The following KANK1 variants were observed in gnomAD, a reference collection of about 807,000 sequenced individuals.
KANK1 encodes the protein KN motif and ankyrin repeat domains 1.
KANK1 carries 109 observed loss-of-function variants against 106.2 expected under a neutral mutation model. That is an observed-to-expected ratio of 1.03 (90% CI 0.88 to 1.20). The LOEUF is 1.20. KANK1 is among the 50% of genes most tolerant of loss of function. The pLI, the probability that KANK1 is intolerant of heterozygous loss-of-function variation, is 0.00. For synonymous variants in KANK1, 873 were observed against 652.2 expected (o/e 1.34, Z -5.16); for missense variants, 2,399 against 1,710.7 (o/e 1.40, Z -7.10).
At chr9:551,113 T>C (rs1401542415) in intron 1 of KANK1, among the ~76,000 whole-genome samples, 2 of 151,946 alleles carry the variant, frequency 1.3e-5, no homozygotes, top group African/African-American at 4.8e-5. Context: ...TCATGGTTAA[T>C]ACAACATGTG....
Position 626,773 on chromosome 9 carries a change from G to A in KANK1, c.-83-50117G>A, listed in dbSNP as rs1270564265. On this transcript the variant is annotated intron_variant, in intron 1 of 11. Transcript: ENST00000382297. ...ACACAGTACTCTCACATCCACCCTC[G>A]GTCTCCCTGAAACTCAGACCTGCAA... Among the ~76,000 whole-genome samples the A allele has an allele frequency of 2.6e-5, 4 of 152,102 alleles. No homozygotes were observed. In the South Asian group the frequency reaches 6.2e-4, roughly 24 times the overall value.
chr9:740,712 C>T (rs1835205583), intron 8 of KANK1, 80 bp from the exon 9 acceptor site: 8 of 1,463,634 alleles, frequency 5.5e-6, no homozygotes, highest in Admixed American at 2.0e-5. Context: ...CTGTAAACAC[C>T]ATCCCTTCAG....
chr9:713,941 A>G (rs908498503), intron 3 of KANK1, among the ~76,000 whole-genome samples: 1 of 152,174 alleles, frequency 6.6e-6, no homozygotes, highest in African/African-American at 2.4e-5. Context: ...AATTCAGCAA[A>G]TAATTATTGA....
At chr9:525,601 G>A (rs1171795365) in intron 1 of KANK1, among the ~76,000 whole-genome samples, 2 of 151,458 alleles carry the variant, frequency 1.3e-5, no homozygotes, top group South Asian at 2.1e-4. Context: ...GGCTGGTCTC[G>A]AACTCGTGGC....
intron 2 of KANK1, chr9:684,699 G>T (rs745746937): frequency 4.4e-6 from 2 of 451,170 alleles, no homozygotes; most frequent in Non-Finnish European, 5.7e-6. Flanking sequence ...CCTTCTTCCT[G>T]TGTCTGGGAT....
intron 1 of KANK1, among the ~76,000 whole-genome samples, chr9:579,677 G>A (rs1018179161): frequency 6.6e-6 from 1 of 152,148 alleles, no homozygotes; most frequent in South Asian, 2.1e-4. Flanking sequence ...GGCAGTATGG[G>A]AGGTCCACCT....
At chr9:513,828 C>T (rs572352596) in intron 1 of KANK1, among the ~76,000 whole-genome samples, 1 of 152,208 alleles carries the variant, frequency 6.6e-6, no homozygotes, top group African/African-American at 2.4e-5. Flanking sequence ...CCAGCCATAG[C>T]CAACATGGCA....
In KANK1 at chr9:712,127, A is replaced by C; in HGVS notation, c.1361A>C (p.Glu454Ala). 1 of 1,614,168 alleles carries C rather than the reference A, an allele frequency of 6.2e-7. No homozygotes were observed. The highest frequency in any genetic ancestry group is 1.1e-5 in the South Asian group (1 of 91,082). ...GGAGTGATGACTGAAGCTGACAAAG[A>C]AATTGAGCTGCAACAGCAGACCATA... ...MLGVMTEADK[E>A]IELQQQTIES... Residue 454 changes from glutamate (E) to alanine (A), a missense_variant, in exon 3 of 12, where the codon GAA becomes GCA. Transcript: ENST00000382297.
At chr9:637,842 C>T (rs867879949) in intron 1 of KANK1, among the ~76,000 whole-genome samples, 12 of 152,232 alleles carry the variant, frequency 7.9e-5, no homozygotes, top group African/African-American at 1.9e-4. Context: ...AAATTGCCTT[C>T]AGCATAAGAA....
At chr9:649,828 T>TA (rs1379544181) in intron 1 of KANK1, among the ~76,000 whole-genome samples, 3 of 152,198 alleles carry the variant, frequency 2.0e-5, no homozygotes, top group Admixed American at 2.0e-4. Flanking sequence ...CCTGCCCACA[T>TA]ATGCACCTCC....
At chr9:670,106 C>T (rs781535697) in intron 1 of KANK1, among the ~76,000 whole-genome samples, 6 of 152,054 alleles carry the variant, frequency 3.9e-5, no homozygotes, top group Non-Finnish European at 8.8e-5. Context: ...TTAAATTCCT[C>T]TGATAAGTTT....
At chr9:550,078 C>G (rs1297781238) in intron 1 of KANK1, among the ~76,000 whole-genome samples, 2 of 152,090 alleles carry the variant, frequency 1.3e-5, no homozygotes, top group African/African-American at 2.4e-5. Context: ...TGTCAGCAGT[C>G]GCAACACCAC....
At chr9:625,075 T>G (rs1256509499) in intron 1 of KANK1, among the ~76,000 whole-genome samples, 1 of 152,152 alleles carries the variant, frequency 6.6e-6, no homozygotes, top group African/African-American at 2.4e-5. Flanking sequence ...AAGGTGCTCC[T>G]AAGGGTGTAC....
intron 1 of KANK1, among the ~76,000 whole-genome samples, chr9:590,328 G>T (rs1329930315): frequency 1.2e-5 from 1 of 86,230 alleles, no homozygotes; most frequent in Non-Finnish European, 2.5e-5. Flanking sequence ...GTGAAATGAG[G>T]AGTTGGACTA....
Position 711,320 on chromosome 9 carries a change from C to T in KANK1, c.554C>T (p.Ala185Val). The change falls in exon 3 of 12, where the codon GCC (alanine) becomes GTC (valine). Residue 185 changes from alanine (A) to valine (V), a missense_variant. Coordinates refer to ENST00000382297, the MANE Select transcript of KANK1 (RefSeq NM_015158.5). Reference protein sequence around the residue: ...TPGEFRRPRLASFGGMGTTSS... With the variant: ...TPGEFRRPRLVSFGGMGTTSS... Reference sequence around the variant, plus strand: ...GGTGAGTTCAGAAGGCCCAGGCTGGCCAGTTTTGGAGGCATGGGCACCACA... The same window carrying T: ...GGTGAGTTCAGAAGGCCCAGGCTGGTCAGTTTTGGAGGCATGGGCACCACA... The T allele has an allele frequency of 6.2e-7, 1 of 1,614,126 alleles. No individual in the cohort carries two copies. The highest frequency in any genetic ancestry group is 8.5e-7 in the Non-Finnish European group (1 of 1,180,034).
chr9:670,605 A>G (rs1845654000), intron 1 of KANK1, among the ~76,000 whole-genome samples: 1 of 152,174 alleles, frequency 6.6e-6, no homozygotes, highest in African/African-American at 2.4e-5. Context: ...CTCCTACAGC[A>G]TAGTGCTGCC....
intron 1 of KANK1, among the ~76,000 whole-genome samples, chr9:663,379 T>A (rs1843804206): frequency 6.6e-6 from 1 of 152,184 alleles, no homozygotes. Flanking sequence ...AGTCAAGGTT[T>A]AGGTGTCTGC....
At position 740,799 on chromosome 9, in the gene KANK1, T is replaced by C. The variant is rs1835258605; in HGVS notation, c.3561T>C (p.Cys1187=). 1 of 1,611,714 alleles carries C rather than the reference T, an allele frequency of 6.2e-7. No individual in the cohort carries two copies. Among genetic ancestry groups the C allele is most frequent in the Non-Finnish European group, 8.5e-7 (1 of 1,179,510 alleles). The stretch of plus-strand genomic sequence containing the variant: ...TTTTTTTTTTTTTTACAGATGTGTG[T>C]AATGTGGATCACCAGAACAAGGCAG... ...IVKLLLDADV[C]NVDHQNKAGY... Residue 1187 remains cysteine (C), a synonymous_variant, in exon 9 of 12, where the codon TGT becomes TGC. Coordinates refer to ENST00000382297, the MANE Select transcript of KANK1 (RefSeq NM_015158.5).
At chr9:727,182 AC>A (rs1564091188) in intron 3 of KANK1, among the ~76,000 whole-genome samples, 1 of 152,198 alleles carries the variant, frequency 6.6e-6, no homozygotes, top group Non-Finnish European at 1.5e-5. Flanking sequence ...AAACATGGAA[AC>A]AATAGCCTTC....
Sources: allele counts gnomAD v4.1 joint callset (sites outside exome capture counted in the v4.1 genomes callset), GRCh38; gene constraint gnomAD v4.1.1; transcripts MANE v1.5; gene names NCBI Gene and HGNC (gene_info 2026-07-23, HGNC 2026-07-21).